AUTS2: variants seen among roughly 807,000 people sequenced by gnomAD.
The protein encoded by AUTS2 is autism susceptibility gene 2 protein.
AUTS2 carries 17 observed loss-of-function variants against 112.4 expected under a neutral mutation model. The observed-to-expected ratio is 0.15, with a 90% CI of 0.10 to 0.23. The LOEUF (loss-of-function observed/expected upper bound fraction) is 0.23. Ranked by LOEUF, AUTS2 falls within the 10% of genes least tolerant of loss-of-function variation. The pLI, the probability that AUTS2 is intolerant of heterozygous loss-of-function variation, is 1.00. For missense variants in AUTS2, 1,510 were observed against 1,701.6 expected (o/e 0.89, Z 1.98); for synonymous variants, 751 against 702.7 (o/e 1.07, Z -1.09).
At chr7:70,004,189 T>G in intron 2 of AUTS2, among the ~76,000 whole-genome samples, 1 of 134,436 alleles carries the variant, frequency 7.4e-6, no homozygotes, top group Non-Finnish European at 1.5e-5. Flanking sequence ...GTGTTATATG[T>G]GAATATATAT....
chr7:70,017,076 A>G (rs1800062890), intron 2 of AUTS2, among the ~76,000 whole-genome samples: 1 of 152,258 alleles, frequency 6.6e-6, no homozygotes, highest in South Asian at 2.1e-4. Context: ...CAGTAATGCT[A>G]TGAAACTTCA....
At chr7:69,787,909 C>T (rs1789449052) in intron 1 of AUTS2, among the ~76,000 whole-genome samples, 1 of 152,154 alleles carries the variant, frequency 6.6e-6, no homozygotes, top group Non-Finnish European at 1.5e-5. Context: ...TTACCTACTT[C>T]CCCAGCCTCC....
intron 5 of AUTS2, among the ~76,000 whole-genome samples, chr7:70,510,320 T>C (rs1489449860): frequency 6.6e-6 from 1 of 152,212 alleles, no homozygotes; most frequent in Non-Finnish European, 1.5e-5. Flanking sequence ...TCTTTCTCAT[T>C]CCATTAGATT....
chr7:70,152,048 T>C (rs1807469563), intron 4 of AUTS2, among the ~76,000 whole-genome samples: 1 of 152,032 alleles, frequency 6.6e-6, no homozygotes, highest in Admixed American at 6.6e-5. Flanking sequence ...AAATAAAAAA[T>C]ATATTATATG....
At chr7:70,589,707 C>G (rs1266183721) in intron 5 of AUTS2, among the ~76,000 whole-genome samples, 1 of 152,086 alleles carries the variant, frequency 6.6e-6, no homozygotes, top group Non-Finnish European at 1.5e-5. Context: ...GAATGAAACT[C>G]TGTCTCAAAA....
intron 2 of AUTS2, among the ~76,000 whole-genome samples, chr7:69,981,847 C>T (rs1304159401): frequency 6.6e-6 from 1 of 152,192 alleles, no homozygotes; most frequent in Non-Finnish European, 1.5e-5. Context: ...TATACTCGTT[C>T]TACCACTTGA....
At chr7:70,193,128 G>C (rs1562778308) in intron 4 of AUTS2, among the ~76,000 whole-genome samples, 1 of 152,162 alleles carries the variant, frequency 6.6e-6, no homozygotes, top group Non-Finnish European at 1.5e-5. Context: ...TCTGGACCAA[G>C]TATGGCTGTG....
chr7:69,829,118 C>T (rs1184353799), intron 1 of AUTS2, among the ~76,000 whole-genome samples: 1 of 152,088 alleles, frequency 6.6e-6, no homozygotes, highest in Non-Finnish European at 1.5e-5. Flanking sequence ...CTTGGACAAA[C>T]TTGGCCAAAA....
At chr7:69,877,000 C>T (rs570954983) in intron 1 of AUTS2, among the ~76,000 whole-genome samples, 1 of 152,232 alleles carries the variant, frequency 6.6e-6, no homozygotes, top group Middle Eastern at 3.4e-3. Flanking sequence ...ACCTAGAGGT[C>T]CATGGCCCTT....
chr7:69,679,898 T>C (rs1275003610), intron 1 of AUTS2, among the ~76,000 whole-genome samples: 2 of 152,242 alleles, frequency 1.3e-5, no homozygotes. Context: ...TTTTTTTAAC[T>C]TTTGTGACAC....
At chr7:70,172,837 T>C (rs1415540573) in intron 4 of AUTS2, among the ~76,000 whole-genome samples, 3 of 152,258 alleles carry the variant, frequency 2.0e-5, no homozygotes, top group Non-Finnish European at 2.9e-5. Flanking sequence ...TGATAATTGA[T>C]GACTCTCAGT....
intron 5 of AUTS2, among the ~76,000 whole-genome samples, chr7:70,659,778 G>A (rs930806818): frequency 3.9e-5 from 6 of 152,124 alleles, no homozygotes; most frequent in South Asian, 2.1e-4. Context: ...ATGTCAAATC[G>A]TGGGCAGTAC....
chr7:69,816,995 CA>C (rs1287514484), intron 1 of AUTS2, among the ~76,000 whole-genome samples: 2 of 152,188 alleles, frequency 1.3e-5, no homozygotes, highest in Admixed American at 6.5e-5. Context: ...GTTCTTTCAT[CA>C]GCAAAATGAA....
At chr7:70,739,258 G>C (rs576440211) in intron 6 of AUTS2, among the ~76,000 whole-genome samples, 1 of 151,400 alleles carries the variant, frequency 6.6e-6, no homozygotes, top group South Asian at 2.1e-4. Flanking sequence ...GAACTCCTGG[G>C]CTCAAGCAAT....
intron 4 of AUTS2, among the ~76,000 whole-genome samples, chr7:70,359,367 A>T (rs1349578122): frequency 6.6e-6 from 1 of 152,212 alleles, no homozygotes; most frequent in Non-Finnish European, 1.5e-5. Flanking sequence ...CTTCTGTCTT[A>T]GTCCATTTCA....
intron 5 of AUTS2, among the ~76,000 whole-genome samples, chr7:70,635,570 C>T (rs13232103): frequency 0.028 from 4,212 of 152,130 alleles, 88 homozygotes; most frequent in Non-Finnish European, 0.042. Flanking sequence ...GGAGAGGAAA[C>T]GAGTTTTAGG....
intron 1 of AUTS2, among the ~76,000 whole-genome samples, chr7:69,815,132 T>TA (rs1252139832): frequency 6.6e-6 from 1 of 152,216 alleles, no homozygotes; most frequent in Non-Finnish European, 1.5e-5. Context: ...CAAACTGTGA[T>TA]AAGGCATCAA....
At chr7:70,059,028 C>T (rs1221345219) in intron 2 of AUTS2, among the ~76,000 whole-genome samples, 1 of 152,106 alleles carries the variant, frequency 6.6e-6, no homozygotes, top group Non-Finnish European at 1.5e-5. Flanking sequence ...ACATAATCAC[C>T]CATCTTACAT....
rs550195503 is a variant in AUTS2, at chr7:70,194,029, T to C, written c.660+59458T>C. On this transcript the variant is annotated intron_variant, in intron 4 of 18. Coordinates refer to ENST00000342771, the MANE Select transcript of AUTS2 (RefSeq NM_015570.4). Reference sequence around the variant, plus strand: ...TTCCTGATTTACCAAAATCTGTGATTGTGCCATGAAAAGATGATAAAGGAG... The same window carrying C: ...TTCCTGATTTACCAAAATCTGTGATCGTGCCATGAAAAGATGATAAAGGAG... Among the ~76,000 whole-genome samples the C allele has an allele frequency of 2.6e-5, 4 of 152,356 alleles. No individual in the cohort carries two copies. In the South Asian group the frequency reaches 8.3e-4, roughly 32 times the overall value.
Sources: allele counts gnomAD v4.1 joint callset (sites outside exome capture counted in the v4.1 genomes callset), GRCh38; gene constraint gnomAD v4.1.1; transcripts MANE v1.5; gene names NCBI Gene and HGNC (gene_info 2026-07-23, HGNC 2026-07-21).